The following DIAPH1 variants were observed in gnomAD, a reference collection of about 807,000 sequenced individuals.
DIAPH1 encodes the protein protein diaphanous homolog 1.
DIAPH1 carries 46 observed loss-of-function variants against 140.7 expected under a neutral mutation model. The ratio of observed to expected loss-of-function variants is 0.33; its 90% confidence interval spans 0.26 to 0.42. The LOEUF (loss-of-function observed/expected upper bound fraction) is 0.42, where lower values mean the gene tolerates loss of function less well. Among genes scored for constraint, DIAPH1 ranks in the 10% least tolerant of loss-of-function variants. The pLI, the probability that DIAPH1 is intolerant of heterozygous loss-of-function variation, is 1.00. For synonymous variants in DIAPH1, 565 were observed against 551.6 expected, an observed-to-expected ratio of 1.02 and a Z score of -0.34; for missense variants, 1,310 against 1,558.7, an observed-to-expected ratio of 0.84 and a Z score of 2.69.
chr5:141,531,873 C>T (rs953628594), intron 19 of DIAPH1, among the ~76,000 whole-genome samples: 2 of 152,200 alleles, frequency 1.3e-5, no homozygotes, highest in Non-Finnish European at 2.9e-5. Flanking sequence ...TAGTTTAAAA[C>T]AATGACATAA....
At chr5:141,610,907 A>G (rs1319777809) in intron 1 of DIAPH1, among the ~76,000 whole-genome samples, 1 of 144,320 alleles carries the variant, frequency 6.9e-6, no homozygotes, top group African/African-American at 2.5e-5. Context: ...AAACCCCACC[A>G]CTATAAAAAA....
Position 141,574,063 on chromosome 5 carries a change from A to G in DIAPH1, c.1787T>C (p.Ile596Thr). ...ATCCCCAGGAGCAGGTGGTGGTGGAATAATAGTGCCAGAGTCACCAGGTAA... is the reference window on the plus strand; with the variant it reads ...ATCCCCAGGAGCAGGTGGTGGTGGAGTAATAGTGCCAGAGTCACCAGGTAA... ...PPLPGDSGTI[I>T]PPPPAPGDST... The change falls in exon 16 of 28, where the codon ATT (isoleucine) becomes ACT (threonine). Residue 596 changes from isoleucine (I) to threonine (T), a missense_variant. Transcript: ENST00000389054. The G allele has an allele frequency of 6.2e-7, 1 of 1,607,978 alleles. No homozygotes were observed. Among genetic ancestry groups the G allele is most frequent in the Non-Finnish European group, 8.5e-7 (1 of 1,177,050 alleles).
intron 23 of DIAPH1, among the ~76,000 whole-genome samples, chr5:141,528,043 G>A (rs1371868988): frequency 6.6e-6 from 1 of 152,198 alleles, no homozygotes; most frequent in Non-Finnish European, 1.5e-5. Flanking sequence ...TGGGAGGAAG[G>A]AGATATACAT....
At chr5:141,568,766 G>C (rs986148258) in intron 18 of DIAPH1, among the ~76,000 whole-genome samples, 5 of 152,002 alleles carry the variant, frequency 3.3e-5, no homozygotes, top group African/African-American at 1.2e-4. Context: ...AAACATAAGG[G>C]GGATACAGGC....
At chr5:141,576,426 A>G (rs1021680146) in intron 13 of DIAPH1, 132 bp from the exon 14 acceptor site, 49 of 821,904 alleles carry the variant, frequency 6.0e-5, no homozygotes, top group Non-Finnish European at 9.8e-5. Context: ...CTAGACAAAG[A>G]AATGGAACTT....
intron 18 of DIAPH1, among the ~76,000 whole-genome samples, chr5:141,569,789 A>C (rs55799459): frequency 0.048 from 7,301 of 152,102 alleles, 530 homozygotes; most frequent in African/African-American, 0.17. Flanking sequence ...AAAAAAAATA[A>C]AAGTAGTTAA....
intron 18 of DIAPH1, among the ~76,000 whole-genome samples, chr5:141,554,009 T>C (rs908355402): frequency 6.6e-5 from 10 of 152,172 alleles, no homozygotes; most frequent in Non-Finnish European, 5.9e-5. Context: ...CAGGGCGCGG[T>C]GGCTCATGCC....
rs55915912 is a variant in DIAPH1, at chr5:141,582,086, A to G, written c.684+226T>C. On this transcript the variant is annotated intron_variant, in intron 7 of 27. Transcript: ENST00000389054. ...AAAAAAAAAAAAAAAAAAAAAAAAA[A>G]AGAGAGAGAAACAAAATTGAGCCTG... 3,523 of 391,530 alleles carry G rather than the reference A, an allele frequency of 9.0e-3. 41 individuals are homozygous for G. The highest frequency in any genetic ancestry group is 0.011 in the Non-Finnish European group (2,505 of 217,908). 24.3% of individuals were successfully genotyped at this position (391,530 alleles called of 1,614,324 possible).
At chr5:141,583,060 A>T in intron 6 of DIAPH1, 146 bp downstream of exon 6, 1 of 767,856 alleles carries the variant, frequency 1.3e-6, no homozygotes, top group East Asian at 2.5e-5. Context: ...TCCTCTAGCC[A>T]CCACTATGAT....
chr5:141,603,939 G>A (rs981417366), intron 1 of DIAPH1, among the ~76,000 whole-genome samples: 2 of 152,160 alleles, frequency 1.3e-5, no homozygotes, highest in African/African-American at 2.4e-5. Context: ...CAGAGGGAAG[G>A]AGGAAAGGCC....
At chr5:141,555,298 C>A (rs957288550) in intron 18 of DIAPH1, among the ~76,000 whole-genome samples, 1 of 152,198 alleles carries the variant, frequency 6.6e-6, no homozygotes, top group Non-Finnish European at 1.5e-5. Flanking sequence ...AAAGGTAAGA[C>A]AGATATGGCT....
At chr5:141,594,469 C>T (rs1049730960) in intron 1 of DIAPH1, among the ~76,000 whole-genome samples, 5 of 152,134 alleles carry the variant, frequency 3.3e-5, no homozygotes, top group South Asian at 2.1e-4. Flanking sequence ...TGGCCGGGCG[C>T]GGTAGCTCAC....
chr5:141,618,747 C>A, intron 1 of DIAPH1, 51 bp downstream of exon 1: 1 of 1,358,216 alleles, frequency 7.4e-7, no homozygotes, highest in Non-Finnish European at 1.0e-6. Context: ...CTGCAGGGGT[C>A]CAGAGGGCGG....
chr5:141,550,845 T>C (rs547226830), intron 18 of DIAPH1, among the ~76,000 whole-genome samples: 7 of 152,192 alleles, frequency 4.6e-5, no homozygotes, highest in Non-Finnish European at 1.0e-4. Flanking sequence ...TGGACCTCAA[T>C]TATGTTAATA....
chr5:141,576,430 G>T (rs1236195159), intron 13 of DIAPH1, 136 bp from the exon 14 acceptor site: 2 of 804,918 alleles, frequency 2.5e-6, no homozygotes. Flanking sequence ...ACAAAGAAAT[G>T]GAACTTTCAG....
At chr5:141,526,225 C>T in intron 25 of DIAPH1, 52 bp from the exon 26 acceptor site, 1 of 1,614,096 alleles carries the variant, frequency 6.2e-7, no homozygotes, top group Non-Finnish European at 8.5e-7. Flanking sequence ...TACCTACTAC[C>T]AGCCAACAGG....
At position 141,526,022 on chromosome 5, in the gene DIAPH1, C is replaced by A. The variant is rs371127966; in HGVS notation, c.3574+16G>T. The A allele has an allele frequency of 3.1e-6, 5 of 1,613,622 alleles. No homozygotes were observed. The highest frequency in any genetic ancestry group is 1.3e-5 in the African/African-American group (1 of 74,898). On this transcript the variant is annotated intron_variant, in intron 26 of 27. Transcript: ENST00000389054. ...ACATTCCTATCTCAGCCCATCAACC[C>A]GTCTTCACTCCTCACCTGCATTCAT...
chr5:141,587,375 T>C, intron 2 of DIAPH1, 178 bp from the exon 3 acceptor site: 1 of 660,330 alleles, frequency 1.5e-6, no homozygotes, highest in Non-Finnish European at 2.7e-6. Flanking sequence ...TAACTTACCA[T>C]ACTGACTCTG....
In DIAPH1 at chr5:141,518,892, G is replaced by A. The variant is rs570720921; in HGVS notation, c.3662-1884C>T. ...CCCAGAGCTACTGTTTTCATCCCAG[G>A]AGAGGCTGCCCATAGATCAAGCAGG... is the stretch of plus-strand genomic sequence containing the variant. On this transcript the variant is annotated intron_variant, in intron 27 of 27. Transcript: ENST00000389054. The A allele has an allele frequency of 2.6e-6, 4 of 1,521,916 alleles. No individual in the cohort carries two copies. In the Admixed American group the frequency reaches 5.9e-5, roughly 22 times the overall value. The allele number at this position is 1,521,916 out of a possible 1,614,324, so 94.3% of individuals were successfully genotyped here. A position where few individuals can be genotyped will look rare whatever the true frequency, so the allele number is the denominator to read the frequency against.
Sources: gnomAD v4.1 joint callset for allele counts (sites outside exome capture counted in the v4.1 genomes callset) on GRCh38, gnomAD v4.1.1 for gene constraint, MANE v1.5 for transcripts, NCBI Gene and HGNC (gene_info 2026-07-23, HGNC 2026-07-21) for gene names.